The following FRY variants were observed in gnomAD, a reference collection of about 807,000 sequenced individuals.
FRY encodes FRY microtubule binding protein.
A neutral mutation model predicts 348.4 loss-of-function variants in FRY; 128 were observed. That is an observed-to-expected ratio of 0.37 (90% CI 0.32 to 0.43). FRY has a LOEUF of 0.43. Ranked by LOEUF, FRY falls within the 20% of genes least tolerant of loss-of-function variation. The pLI, the probability that FRY is intolerant of heterozygous loss-of-function variation, is 1.00. For synonymous variants in FRY, 1,370 were observed against 1,374.7 expected (o/e 1.00, Z 0.08); for missense variants, 2,736 against 3,695.2 (o/e 0.74, Z 6.73).
chr13:32,289,362 A>G (rs1889221856), intron 58 of FRY, among the ~76,000 whole-genome samples: 1 of 152,254 alleles, frequency 6.6e-6, no homozygotes, highest in Non-Finnish European at 1.5e-5. Flanking sequence ...ACTGGCAAAT[A>G]TAATGGAAAT....
chr13:32,184,996 G>A lies in FRY; in HGVS notation c.3167G>A (p.Arg1056Gln), dbSNP rs757239328. Residue 1056 changes from arginine (R) to glutamine (Q), a missense_variant, in exon 26 of 61, where the codon CGG becomes CAG. This residue lies in a region of FRY where 449 missense variants were observed against 576.9 expected (regional missense o/e 0.78). Transcript: ENST00000542859. ...ISDSTNGALE[R>Q]DTLALGALFL... ...TCCAGCACAAATGGAGCCCTAGAGCGGGATACTTTAGCCCTGGGAGCTTTG... is the reference window on the plus strand; with the variant it reads ...TCCAGCACAAATGGAGCCCTAGAGCAGGATACTTTAGCCCTGGGAGCTTTG... 9.3e-6 allele frequency: 15 copies of A among 1,613,768 alleles called. No individual in the cohort carries two copies. Among genetic ancestry groups the A allele is most frequent in the East Asian group, 6.7e-5 (3 of 44,880 alleles).
intron 2 of FRY, among the ~76,000 whole-genome samples, chr13:32,097,946 T>A (rs1442244678): frequency 1.3e-5 from 2 of 149,580 alleles, no homozygotes; most frequent in South Asian, 2.1e-4. Context: ...AGAGTATTTT[T>A]AAAAAAATTT....
intron 7 of FRY, among the ~76,000 whole-genome samples, chr13:32,130,669 C>T (rs1207843603): frequency 1.3e-5 from 2 of 151,986 alleles, no homozygotes; most frequent in Non-Finnish European, 1.5e-5. Context: ...ATTTTACTTT[C>T]GAATACAAAT....
chr13:32,249,355 C>T (rs1318152906), intron 48 of FRY, among the ~76,000 whole-genome samples, 171 bp from the exon 49 acceptor site: 1 of 152,150 alleles, frequency 6.6e-6, no homozygotes, highest in Non-Finnish European at 1.5e-5. Flanking sequence ...AGATGAAAAA[C>T]GACTCATAAT....
Position 32,261,403 on chromosome 13 carries a change from T to C in FRY, c.7417-213T>C, listed in dbSNP as rs1887638348. ...CATGCCAAAGAAAAGTATGTAATCA[T>C]TTCTGCCTATGACTTCACATGAGTT... is the stretch of plus-strand genomic sequence containing the variant. On this transcript the variant is annotated intron_variant, in intron 51 of 60. Coordinates refer to ENST00000542859, the MANE Select transcript of FRY (RefSeq NM_023037.3). 2.8e-5 allele frequency: 21 copies of C among 745,752 alleles called. 1 individual carries two copies. Among genetic ancestry groups the C allele is most frequent in the South Asian group, 2.8e-4 (20 of 72,072 alleles). The allele number at this position is 745,752 out of a possible 1,614,324, so 46.2% of individuals were successfully genotyped here.
At chr13:32,271,011 G>A (rs946306106) in intron 55 of FRY, among the ~76,000 whole-genome samples, 4 of 152,116 alleles carry the variant, frequency 2.6e-5, no homozygotes, top group African/African-American at 7.2e-5. Flanking sequence ...CCACAGCTGC[G>A]GCCACCATTC....
intron 2 of FRY, among the ~76,000 whole-genome samples, chr13:32,101,628 T>C (rs1877167373): frequency 6.6e-6 from 1 of 152,208 alleles, no homozygotes; most frequent in East Asian, 1.9e-4. Context: ...TTTGCCAACA[T>C]TTATTATCTT....
intron 58 of FRY, among the ~76,000 whole-genome samples, chr13:32,282,271 A>C (rs1471432266): frequency 1.3e-5 from 2 of 152,212 alleles, no homozygotes; most frequent in Admixed American, 1.3e-4. Context: ...GTCTTCTGGA[A>C]TGATTTGATG....
chr13:32,099,433 G>A (rs1047384676), intron 2 of FRY, among the ~76,000 whole-genome samples: 2 of 151,840 alleles, frequency 1.3e-5, no homozygotes, highest in African/African-American at 4.9e-5. Flanking sequence ...AATACCGCGT[G>A]AGTTGAGTCA....
intron 52 of FRY, 74 bp downstream of exon 52, chr13:32,261,890 G>T: frequency 7.2e-7 from 1 of 1,385,018 alleles, no homozygotes; most frequent in Non-Finnish European, 1.0e-6. Flanking sequence ...ACAGTTTCCA[G>T]TTGCAGCTAA....
chr13:32,184,692 G>GT lies in FRY; in HGVS notation c.3146+2dup. 1 of 1,553,024 alleles carries GT rather than the reference G, an allele frequency of 6.4e-7. No homozygotes were observed. The highest frequency in any genetic ancestry group is 8.9e-7 in the Non-Finnish European group (1 of 1,124,628). On this transcript the variant is annotated splice_donor_variant, in intron 25 of 60. Transcript: ENST00000542859. LOFTEE classifies it high-confidence loss of function. Reference sequence around the variant, plus strand: ...CTGATGCTGGTGTAATAAGTGACAGGTAGGATCAGAATTCTACCGAGTTGC... The same window carrying GT: ...CTGATGCTGGTGTAATAAGTGACAGGTTAGGATCAGAATTCTACCGAGTTGC...
At chr13:32,104,461 G>C (rs1877403817) in intron 3 of FRY, among the ~76,000 whole-genome samples, 1 of 152,154 alleles carries the variant, frequency 6.6e-6, no homozygotes, top group African/African-American at 2.4e-5. Flanking sequence ...GAGAAGCCCT[G>C]CCCTGTAACA....
chr13:32,201,980 T>C lies in FRY; in HGVS notation c.3786T>C (p.Val1262=). 6.2e-7 allele frequency: 1 copy of C among 1,607,204 alleles called. No homozygotes were observed. The highest frequency in any genetic ancestry group is 8.5e-7 in the Non-Finnish European group (1 of 1,173,788). ...PFDIVTLLNL[V]LFKASDTNRE... ...ACATAGTGACATTGTTAAACCTTGT[T>C]CTATTCAAGGCCTCTGACACCAACA... is the stretch of plus-strand genomic sequence containing the variant. The change falls in exon 30 of 61, where the codon GTT becomes GTC. Residue 1262 remains valine (V), a synonymous_variant. Coordinates refer to ENST00000542859, the MANE Select transcript of FRY (RefSeq NM_023037.3).
At chr13:32,152,620 A>T (rs976071563) in intron 14 of FRY, among the ~76,000 whole-genome samples, 1 of 152,200 alleles carries the variant, frequency 6.6e-6, no homozygotes, top group Non-Finnish European at 1.5e-5. Flanking sequence ...ACTATAAACA[A>T]AAATTAACTC....
intron 53 of FRY, 65 bp downstream of exon 53, chr13:32,262,540 A>G: frequency 8.0e-7 from 1 of 1,255,924 alleles, no homozygotes; most frequent in Non-Finnish European, 1.2e-6. Context: ...AACACTTCCA[A>G]TTTTCTGAGA....
chr13:32,047,836 G>A lies in FRY; in HGVS notation c.70+15971G>A, dbSNP rs147887789. 5.6e-3 allele frequency among the ~76,000 whole-genome samples: 855 copies of A among 152,348 alleles called. 7 individuals are homozygous for A. The highest frequency in any genetic ancestry group is 0.019 in the African/African-American group (808 of 41,580). On this transcript the variant is annotated intron_variant, in intron 1 of 60. Coordinates refer to ENST00000542859, the MANE Select transcript of FRY (RefSeq NM_023037.3). ...GATCTGCCTGCTTCGGCCTCCGAAA[G>A]TACTGGGATTACAGGTGTGAGGCAC...
chr13:32,136,880 C>A lies in FRY; in HGVS notation c.1087C>A (p.Pro363Thr), dbSNP rs769186515. 1.3e-6 allele frequency: 2 copies of A among 1,589,732 alleles called. No individual in the cohort carries two copies. The highest frequency in any genetic ancestry group is 3.3e-5 in the Admixed American group (2 of 59,972). ...SRKKHSLALY[P>T]LVTCLLCVSQ... ...TCTCCTTTCTCCTCAGGCCTTGTAC[C>A]CCCTGGTGACCTGTTTGCTCTGTGT... Residue 363 changes from proline to threonine, a missense_variant, in exon 11 of 61, where the codon CCC becomes ACC. Transcript: ENST00000542859.
At chr13:32,072,711 T>C (rs1412093093) in intron 1 of FRY, among the ~76,000 whole-genome samples, 1 of 152,214 alleles carries the variant, frequency 6.6e-6, no homozygotes, top group Admixed American at 6.5e-5. Context: ...GTTCCTGTAC[T>C]GCTGGTAAAC....
At chr13:32,215,289 A>G (rs1033266391) in intron 35 of FRY, among the ~76,000 whole-genome samples, 1 of 152,238 alleles carries the variant, frequency 6.6e-6, no homozygotes, top group Non-Finnish European at 1.5e-5. Flanking sequence ...GAATGTTCCT[A>G]GCATAAAGAA....
Sources: gnomAD v4.1 joint callset for allele counts (sites outside exome capture counted in the v4.1 genomes callset) on GRCh38, gnomAD v4.1.1 for gene constraint, gnomAD v4.1.1 regional missense constraint, MANE v1.5 for transcripts, NCBI Gene and HGNC (gene_info 2026-07-23, HGNC 2026-07-21) for gene names.